Variants in WDFY3 observed in about 807,000 individuals in gnomAD.
WDFY3 encodes WD repeat and FYVE domain containing 3, also known as WD repeat and FYVE domain-containing protein 3.
Under a neutral mutation model 409.6 loss-of-function variants are expected in WDFY3, and 66 were observed. The ratio of observed to expected loss-of-function variants is 0.16; its 90% CI spans 0.13 to 0.20. WDFY3 has a LOEUF of 0.20. Ranked by LOEUF, WDFY3 falls within the 10% of genes least tolerant of loss-of-function variation. The pLI is 1.00. For synonymous variants in WDFY3, 1,521 were observed against 1,537.1 expected (o/e 0.99, Z 0.25); for missense variants, 3,031 against 4,298.1 (o/e 0.71, Z 8.24).
At chr4:84,809,680 A>T (rs917697165) in intron 14 of WDFY3, 2 of 472,576 alleles carry the variant, frequency 4.2e-6, no homozygotes, top group Non-Finnish European at 7.4e-6. Flanking sequence ...TGAATTTACA[A>T]ATAGTACACA....
intron 5 of WDFY3, among the ~76,000 whole-genome samples, chr4:84,843,574 T>C (rs1056830024): frequency 6.6e-6 from 1 of 152,100 alleles, no homozygotes; most frequent in Non-Finnish European, 1.5e-5. Context: ...AAAACAAAAT[T>C]TTTTTGTAGA....
intron 67 of WDFY3, among the ~76,000 whole-genome samples, chr4:84,675,032 G>A (rs909091291): frequency 1.8e-4 from 27 of 151,588 alleles, no homozygotes; most frequent in African/African-American, 6.1e-4. Flanking sequence ...GTGCAGTGGC[G>A]TGATCTCGGG....
chr4:84,701,054 G>T (rs1053517665), intron 56 of WDFY3, among the ~76,000 whole-genome samples: 23 of 152,234 alleles, frequency 1.5e-4, no homozygotes, highest in African/African-American at 5.5e-4. Context: ...AGGTTGCGAT[G>T]AACAGAGATC....
chr4:84,735,228 G>A, intron 42 of WDFY3, 108 bp from the exon 43 acceptor site: 1 of 1,033,594 alleles, frequency 9.7e-7, no homozygotes, highest in Non-Finnish European at 1.4e-6. Context: ...TCTGCCAAAA[G>A]CACCAAAACA....
chr4:84,808,040 A>T (rs2149708477), intron 15 of WDFY3, among the ~76,000 whole-genome samples: 1 of 152,308 alleles, frequency 6.6e-6, no homozygotes, highest in African/African-American at 2.4e-5. Context: ...TATTTTTAAT[A>T]AAAGACATGT....
intron 10 of WDFY3, among the ~76,000 whole-genome samples, chr4:84,826,060 T>C (rs992970899): frequency 2.0e-5 from 3 of 152,204 alleles, no homozygotes; most frequent in African/African-American, 7.2e-5. Context: ...TAGATTTTGC[T>C]TAGTTTTAAA....
At chr4:84,860,995 G>A (rs1188387406) in intron 3 of WDFY3, among the ~76,000 whole-genome samples, 2 of 152,076 alleles carry the variant, frequency 1.3e-5, no homozygotes, top group South Asian at 2.1e-4. Context: ...TGAATGGCTC[G>A]AGCTCAGGAG....
chr4:84,865,538 C>A (rs1761262708), intron 3 of WDFY3, among the ~76,000 whole-genome samples: 1 of 152,222 alleles, frequency 6.6e-6, no homozygotes, highest in South Asian at 2.1e-4. Flanking sequence ...CCCTGGCCTG[C>A]CTTCGGCAAA....
chr4:84,851,504 A>G lies in WDFY3; in HGVS notation c.181-1479T>C, dbSNP rs562385120. 2.0e-5 allele frequency among the ~76,000 whole-genome samples: 3 copies of G among 152,302 alleles called. No individual in the cohort carries two copies. The East Asian group carries it at 5.8e-4, about 29-fold the overall frequency. ...CATTCAGGGAGCACTGAAGGAGAAC[A>G]TGAGAACATAAACTAAAATCAAGAA... is the stretch of plus-strand genomic sequence containing the variant. On this transcript the variant is annotated intron_variant, in intron 4 of 67. Transcript: ENST00000295888.
intron 44 of WDFY3, among the ~76,000 whole-genome samples, chr4:84,727,810 A>C (rs2149126716): frequency 6.6e-6 from 1 of 152,360 alleles, no homozygotes; most frequent in South Asian, 2.1e-4. Flanking sequence ...CCCACTAGGC[A>C]TACTTACAAA....
At chr4:84,761,816 A>G (rs1742657693) in intron 32 of WDFY3, among the ~76,000 whole-genome samples, 1 of 152,196 alleles carries the variant, frequency 6.6e-6, no homozygotes, top group Non-Finnish European at 1.5e-5. Flanking sequence ...ATGAACAGAC[A>G]CTTCTCAAAA....
At chr4:84,904,695 A>G (rs1350848188) in intron 2 of WDFY3, among the ~76,000 whole-genome samples, 1 of 152,202 alleles carries the variant, frequency 6.6e-6, no homozygotes, top group Non-Finnish European at 1.5e-5. Context: ...TCTAAAAGGT[A>G]GAGTTTCTAG....
intron 3 of WDFY3, among the ~76,000 whole-genome samples, chr4:84,867,221 T>C (rs1761509323): frequency 6.6e-6 from 1 of 152,210 alleles, no homozygotes; most frequent in African/African-American, 2.4e-5. Context: ...TTTTTAGTTA[T>C]TTAAACAAGC....
In WDFY3 at chr4:84,794,587, G is replaced by T; in HGVS notation, c.3419C>A (p.Ala1140Glu). 3 of 1,614,036 alleles carry T rather than the reference G, an allele frequency of 1.9e-6. No homozygotes were observed. Among genetic ancestry groups the T allele is most frequent in the Non-Finnish European group, 2.5e-6 (3 of 1,180,004 alleles). ...NSSEQHYVCL[A>E]IVLSAKDRSL... ...TCGGTCTTTTGCTGATAGAACTATTGCAAGGCACACGTAATGTTGCTCAGA... is the reference window on the plus strand; with the variant it reads ...TCGGTCTTTTGCTGATAGAACTATTTCAAGGCACACGTAATGTTGCTCAGA... The change falls in exon 21 of 68, where the codon GCA becomes GAA. Residue 1140 changes from alanine (A) to glutamate (E), a missense_variant. Around this residue, in one of 16 missense-constraint regions of WDFY3, gnomAD observed 1,322 missense variants for 1,697.9 expected, o/e 0.78. Transcript: ENST00000295888.
rs116793747 is a variant in WDFY3, at chr4:84,864,005, C to T, written c.-31-3383G>A. 3.2e-3 allele frequency among the ~76,000 whole-genome samples: 494 copies of T among 152,188 alleles called. 2 individuals carry two copies. The highest frequency in any genetic ancestry group is 0.011 in the African/African-American group (460 of 41,498). On this transcript the variant is annotated intron_variant, in intron 3 of 67. Transcript: ENST00000295888. ...TCAGTTTTTTTCTTGTTCAAGACTG[C>T]TATGACTATTTGGGTTCTTTTGTGG... is the stretch of plus-strand genomic sequence containing the variant.
chr4:84,844,333 A>G, intron 5 of WDFY3: 2 of 602,306 alleles, frequency 3.3e-6, no homozygotes, highest in Non-Finnish European at 5.0e-6. Context: ...CGAAGCCCTA[A>G]ACACCCTTGC....
intron 58 of WDFY3, among the ~76,000 whole-genome samples, chr4:84,694,339 A>G (rs1174314357): frequency 6.6e-6 from 1 of 152,198 alleles, no homozygotes; most frequent in East Asian, 1.9e-4. Flanking sequence ...CATAAAACCT[A>G]CATTTCTGAG....
At chr4:84,818,987 C>T (rs530631676) in intron 12 of WDFY3, among the ~76,000 whole-genome samples, 1 of 152,166 alleles carries the variant, frequency 6.6e-6, no homozygotes, top group Admixed American at 6.5e-5. Flanking sequence ...CTGATTATCT[C>T]AGTTAACTAA....
intron 13 of WDFY3, among the ~76,000 whole-genome samples, chr4:84,812,804 T>C (rs1389959376): frequency 6.6e-6 from 1 of 152,158 alleles, no homozygotes; most frequent in Non-Finnish European, 1.5e-5. Context: ...CTGGTATCTG[T>C]TGTTGCTCTG....
Sources: gnomAD v4.1 joint callset for allele counts (sites outside exome capture counted in the v4.1 genomes callset) on GRCh38, gnomAD v4.1.1 for gene constraint, gnomAD v4.1.1 regional missense constraint, MANE v1.5 for transcripts, NCBI Gene and HGNC (gene_info 2026-07-23, HGNC 2026-07-21) for gene names.